Variants in DDAH1 observed in about 807,000 individuals in gnomAD.
DDAH1 encodes the protein N(G),N(G)-dimethylarginine dimethylaminohydrolase 1.
Under a neutral mutation model 28.8 loss-of-function variants are expected in DDAH1, and 19 were observed. That is an observed-to-expected ratio of 0.66 (90% confidence interval 0.46 to 0.97). The LOEUF is 0.97. DDAH1 is among the 50% of genes least tolerant of loss of function. The probability of loss-of-function intolerance (pLI) is 0.00; values close to 1 mark genes in which losing one functional copy is unlikely to be tolerated. For synonymous variants in DDAH1, 153 were observed against 154.4 expected (o/e 0.99, Z 0.07); for missense variants, 326 against 375.9 (o/e 0.87, Z 1.10).
chr1:85,394,265 A>G (rs1651698864), intron 1 of DDAH1, among the ~76,000 whole-genome samples: 1 of 152,178 alleles, frequency 6.6e-6, no homozygotes, highest in Admixed American at 6.5e-5. Context: ...CTCAAAGGAA[A>G]ACAGGTTGTT....
chr1:85,576,244 G>T (rs115789858), intron 1 of DDAH1, among the ~76,000 whole-genome samples: 4 of 152,130 alleles, frequency 2.6e-5, no homozygotes, highest in South Asian at 4.2e-4. Flanking sequence ...TATTAGAGGG[G>T]ATGACATGAG....
At chr1:85,524,148 T>TG (rs5775845) in intron 1 of DDAH1, among the ~76,000 whole-genome samples, 6 of 151,844 alleles carry the variant, frequency 4.0e-5, no homozygotes, top group African/African-American at 4.8e-5. Context: ...TACAGGTTAA[T>TG]GGGGGAGATA....
chr1:85,408,157 A>C (rs1652493428), intron 1 of DDAH1, among the ~76,000 whole-genome samples: 1 of 152,234 alleles, frequency 6.6e-6, no homozygotes, highest in Non-Finnish European at 1.5e-5. Flanking sequence ...TGGTGAACAA[A>C]GATATACTTC....
intron 1 of DDAH1, among the ~76,000 whole-genome samples, chr1:85,500,161 TTCTC>T (rs796592932): frequency 1.5e-5 from 1 of 66,148 alleles, no homozygotes; most frequent in African/African-American, 4.0e-5. Context: ...CTTTCTTTCT[TTCTC>T]TTTTTTCCTT....
At chr1:85,543,951 C>T (rs1399680990) in intron 1 of DDAH1, among the ~76,000 whole-genome samples, 2 of 152,150 alleles carry the variant, frequency 1.3e-5, no homozygotes, top group Non-Finnish European at 2.9e-5. Flanking sequence ...GCTGGAAATA[C>T]ATGATTAAAG....
At chr1:85,454,350 G>T (rs991216087) in intron 1 of DDAH1, among the ~76,000 whole-genome samples, 1 of 152,134 alleles carries the variant, frequency 6.6e-6, no homozygotes, top group African/African-American at 2.4e-5. Context: ...TTGCTGAATG[G>T]ACAGGGGTCC....
At chr1:85,427,350 A>G (rs970755466) in intron 1 of DDAH1, among the ~76,000 whole-genome samples, 26 of 152,068 alleles carry the variant, frequency 1.7e-4, no homozygotes, top group South Asian at 4.1e-4. Context: ...GCATGTCTGA[A>G]AATCTGTTCA....
At chr1:85,321,752 A>G (rs1331438456) in intron 5 of DDAH1, among the ~76,000 whole-genome samples, 184 bp from the exon 6 acceptor site, 1 of 152,154 alleles carries the variant, frequency 6.6e-6, no homozygotes, top group Non-Finnish European at 1.5e-5. Flanking sequence ...CTGGTTAACC[A>G]CTAGCCCTGT....
chr1:85,369,542 G>A (rs918657598), intron 1 of DDAH1, among the ~76,000 whole-genome samples: 3 of 152,066 alleles, frequency 2.0e-5, no homozygotes, highest in African/African-American at 7.2e-5. Context: ...GAAAACTACC[G>A]TTGGCCTATT....
chr1:85,427,209 A>G (rs1160987675), intron 1 of DDAH1, among the ~76,000 whole-genome samples: 1 of 151,796 alleles, frequency 6.6e-6, no homozygotes, highest in African/African-American at 2.4e-5. Context: ...AAGTTCCACA[A>G]TGTGTTAAGA....
chr1:85,344,836 C>T (rs983047544), intron 4 of DDAH1, among the ~76,000 whole-genome samples: 5 of 152,064 alleles, frequency 3.3e-5, no homozygotes, highest in African/African-American at 1.2e-4. Context: ...TATAGATTTA[C>T]TCTTTCTTAT....
chr1:85,419,084 A>G (rs1653014296), intron 1 of DDAH1, among the ~76,000 whole-genome samples: 1 of 152,134 alleles, frequency 6.6e-6, no homozygotes, highest in African/African-American at 2.4e-5. Flanking sequence ...TACAGGAAAA[A>G]CAAGTTGATG....
intron 1 of DDAH1, among the ~76,000 whole-genome samples, chr1:85,505,088 C>T (rs1382417285): frequency 2.7e-5 from 4 of 148,448 alleles, no homozygotes; most frequent in South Asian, 2.2e-4. Context: ...TGGATTAAAG[C>T]GATTCTCCTC....
At chr1:85,383,728 A>G (rs1249643829) in intron 1 of DDAH1, among the ~76,000 whole-genome samples, 1 of 152,100 alleles carries the variant, frequency 6.6e-6, no homozygotes, top group Non-Finnish European at 1.5e-5. Context: ...AACAACCACA[A>G]CCCTGATAGG....
At chr1:85,350,326 T>C (rs755994609) in intron 4 of DDAH1, 89 bp downstream of exon 4, 9 of 1,524,216 alleles carry the variant, frequency 5.9e-6, no homozygotes, top group Non-Finnish European at 8.0e-6. Flanking sequence ...CTGCCAACCC[T>C]GCTTGTTACT....
At chr1:85,385,180 A>G (rs1210449820) in intron 1 of DDAH1, among the ~76,000 whole-genome samples, 1 of 152,218 alleles carries the variant, frequency 6.6e-6, no homozygotes, top group Non-Finnish European at 1.5e-5. Context: ...TTGGTCTGCC[A>G]GAGTACCTTT....
At chr1:85,570,628 T>C (rs2100565499) in intron 1 of DDAH1, among the ~76,000 whole-genome samples, 2 of 152,334 alleles carry the variant, frequency 1.3e-5, no homozygotes, top group South Asian at 4.1e-4. Flanking sequence ...AGATTCCATA[T>C]GTCTAAATCA....
chr1:85,365,816 T>C (rs1650046149), intron 1 of DDAH1, among the ~76,000 whole-genome samples: 1 of 152,118 alleles, frequency 6.6e-6, no homozygotes, highest in African/African-American at 2.4e-5. Context: ...GATGAAGATA[T>C]CATATCTGTG....
intron 2 of DDAH1, among the ~76,000 whole-genome samples, chr1:85,475,298 G>A (rs988898323): frequency 6.6e-6 from 1 of 152,186 alleles, no homozygotes; most frequent in African/African-American, 2.4e-5. Flanking sequence ...CTCAACAAAC[G>A]TTAGCCACTT....
Sources: allele counts gnomAD v4.1 joint callset (sites outside exome capture counted in the v4.1 genomes callset), GRCh38; gene constraint gnomAD v4.1.1; transcripts MANE v1.5; gene names NCBI Gene and HGNC (gene_info 2026-07-23, HGNC 2026-07-21).